Variants in CENPQ observed in about 807,000 individuals in gnomAD.
The protein encoded by CENPQ is centromere protein Q.
A neutral mutation model predicts 36.6 loss-of-function variants in CENPQ; 27 were observed. The ratio of observed to expected loss-of-function variants is 0.74; its 90% CI spans 0.54 to 1.02. CENPQ has a LOEUF of 1.02. Ranked by LOEUF, CENPQ falls within the 50% of genes least tolerant of loss-of-function variation. The probability of loss-of-function intolerance (pLI) is 0.00; values close to 1 mark genes in which losing one functional copy is unlikely to be tolerated. For missense variants in CENPQ, 306 were observed against 301.8 expected (o/e 1.01, Z -0.10); for synonymous variants, 101 against 101.7 (o/e 0.99, Z 0.04).
At chr6:49,472,623 T>G (rs1254420450) in intron 4 of CENPQ, among the ~76,000 whole-genome samples, 167 bp from the exon 5 acceptor site, 1 of 152,100 alleles carries the variant, frequency 6.6e-6, no homozygotes. Flanking sequence ...AAGAAGAATT[T>G]TTTCATTGTA....
At chr6:49,488,750 C>T in intron 8 of CENPQ, 66 bp downstream of exon 8, 1 of 1,345,412 alleles carries the variant, frequency 7.4e-7, no homozygotes, top group Non-Finnish European at 1.1e-6. Context: ...TGGATTCAGA[C>T]CACAGCAAAA....
chr6:49,472,738 A>G (rs1282018136), intron 4 of CENPQ, 52 bp from the exon 5 acceptor site: 5 of 1,346,086 alleles, frequency 3.7e-6, no homozygotes, highest in Non-Finnish European at 4.9e-6. Context: ...TACAAAGAGT[A>G]TATGATTTGT....
chr6:49,473,055 C>CA (rs930513174), intron 5 of CENPQ, among the ~76,000 whole-genome samples, 197 bp downstream of exon 5: 6 of 151,436 alleles, frequency 4.0e-5, no homozygotes, highest in African/African-American at 1.2e-4. Context: ...GGGGAACTTA[C>CA]AAAAAAAACC....
At chr6:49,485,403 T>C (rs1395409200) in intron 6 of CENPQ, among the ~76,000 whole-genome samples, 1 of 152,158 alleles carries the variant, frequency 6.6e-6, no homozygotes, top group Non-Finnish European at 1.5e-5. Flanking sequence ...TCCCTTGATC[T>C]TGTCATAAAA....
chr6:49,471,279 T>C (rs553291308), intron 3 of CENPQ, among the ~76,000 whole-genome samples: 8 of 152,218 alleles, frequency 5.3e-5, no homozygotes, highest in Non-Finnish European at 1.0e-4. Flanking sequence ...AAACTCAAAG[T>C]GGCCCACAGC....
At chr6:49,473,030 C>T (rs1039105007) in intron 5 of CENPQ, among the ~76,000 whole-genome samples, 172 bp downstream of exon 5, 1 of 151,856 alleles carries the variant, frequency 6.6e-6, no homozygotes, top group Admixed American at 6.6e-5. Flanking sequence ...CCACATGTTT[C>T]TCAAATAAGT....
intron 5 of CENPQ, among the ~76,000 whole-genome samples, chr6:49,479,861 AAC>A (rs1768387514): frequency 6.6e-6 from 1 of 152,308 alleles, no homozygotes; most frequent in South Asian, 2.1e-4. Context: ...TAAGCAAACT[AAC>A]ACAGGAACAG....
chr6:49,466,583 T>G (rs1279743401), intron 1 of CENPQ, among the ~76,000 whole-genome samples: 1 of 152,244 alleles, frequency 6.6e-6, no homozygotes, highest in Non-Finnish European at 1.5e-5. Flanking sequence ...TGTCTCTACC[T>G]GTGCACTATC....
intron 4 of CENPQ, among the ~76,000 whole-genome samples, 169 bp downstream of exon 4, chr6:49,472,352 G>A (rs1768162043): frequency 1.3e-5 from 2 of 152,094 alleles, no homozygotes; most frequent in Non-Finnish European, 2.9e-5. Context: ...AAAAGTCTTT[G>A]TTAATTTTAG....
intron 5 of CENPQ, among the ~76,000 whole-genome samples, chr6:49,477,120 T>G (rs1047129454): frequency 1.3e-5 from 2 of 152,162 alleles, no homozygotes; most frequent in African/African-American, 4.8e-5. Flanking sequence ...CACATGAACA[T>G]GTGTGTTTAC....
At chr6:49,473,467 T>C (rs1011931322) in intron 5 of CENPQ, among the ~76,000 whole-genome samples, 1 of 152,112 alleles carries the variant, frequency 6.6e-6, no homozygotes, top group Non-Finnish European at 1.5e-5. Flanking sequence ...GACAAGCAAA[T>C]GCTGAGAGAT....
chr6:49,472,541 T>C (rs966160257), intron 4 of CENPQ, among the ~76,000 whole-genome samples: 18 of 152,300 alleles, frequency 1.2e-4, no homozygotes, highest in Admixed American at 4.6e-4. Flanking sequence ...AATTCTGCCA[T>C]TGTGGAGCAA....
intron 6 of CENPQ, among the ~76,000 whole-genome samples, chr6:49,485,627 A>T (rs1411587883): frequency 2.0e-5 from 3 of 152,214 alleles, no homozygotes; most frequent in Non-Finnish European, 4.4e-5. Flanking sequence ...AGAAATACTG[A>T]TAAATGTAAG....
At chr6:49,473,469 C>T (rs1768193815) in intron 5 of CENPQ, among the ~76,000 whole-genome samples, 1 of 152,078 alleles carries the variant, frequency 6.6e-6, no homozygotes, top group South Asian at 2.1e-4. Flanking sequence ...CAAGCAAATG[C>T]TGAGAGATTT....
chr6:49,473,529 A>G (rs771918200), intron 5 of CENPQ, among the ~76,000 whole-genome samples: 11 of 152,300 alleles, frequency 7.2e-5, no homozygotes, highest in Non-Finnish European at 1.6e-4. Flanking sequence ...AGCACTAAAC[A>G]TGGAAAGGAA....
At chr6:49,482,394 C>G (rs1288460025) in intron 6 of CENPQ, among the ~76,000 whole-genome samples, 2 of 152,182 alleles carry the variant, frequency 1.3e-5, no homozygotes, top group Non-Finnish European at 2.9e-5. Flanking sequence ...TCAATCCCCC[C>G]TCTAAACAGG....
At chr6:49,478,870 T>C (rs1349508197) in intron 5 of CENPQ, among the ~76,000 whole-genome samples, 2 of 152,192 alleles carry the variant, frequency 1.3e-5, no homozygotes, top group African/African-American at 4.8e-5. Flanking sequence ...GGTGATTAAA[T>C]GTTGCTGATA....
At chr6:49,469,103 G>T (rs1281373665) in intron 1 of CENPQ, among the ~76,000 whole-genome samples, 1 of 152,198 alleles carries the variant, frequency 6.6e-6, no homozygotes, top group Non-Finnish European at 1.5e-5. Context: ...GCTAAATGTA[G>T]TTTGTGATCT....
rs141012191 is a variant in CENPQ, at chr6:49,470,210, G to A, written c.34G>A (p.Ala12Thr). Residue 12 changes from alanine to threonine, a missense_variant, in exon 2 of 9, where the codon GCT becomes ACT. By Grantham distance (58) the Ala-to-Thr change is moderately conservative. Transcript: ENST00000335783. ...TAAAGCAAATGCTTCCAAGAAAAAC[G>A]CTCAACAGTTAAAAAGAAATCCAAA... ...SGKANASKKNAQQLKRNPKRK... is the reference protein window; with the variant it reads ...SGKANASKKNTQQLKRNPKRK... The A allele has an allele frequency of 5.5e-5, 88 of 1,607,988 alleles. No individual in the cohort carries two copies. In the South Asian group the frequency reaches 5.5e-4, roughly 10 times the overall value.
Sources: allele counts gnomAD v4.1 joint callset (sites outside exome capture counted in the v4.1 genomes callset), GRCh38; gene constraint gnomAD v4.1.1; transcripts MANE v1.5; gene names NCBI Gene and HGNC (gene_info 2026-07-23, HGNC 2026-07-21).